CPNE2: variants seen among roughly 807,000 people sequenced by gnomAD.
The protein encoded by CPNE2 is copine 2.
Under a neutral mutation model 69.7 loss-of-function variants are expected in CPNE2, and 42 were observed. The observed-to-expected ratio is 0.60, with a 90% confidence interval of 0.47 to 0.78. The LOEUF (loss-of-function observed/expected upper bound fraction) is 0.78. Among genes scored for constraint, CPNE2 ranks in the 30% least tolerant of loss-of-function variants. The pLI is 0.00. For missense variants in CPNE2, 587 were observed against 732.0 expected (o/e 0.80, Z 2.29); for synonymous variants, 294 against 289.8 (o/e 1.01, Z -0.15).
At chr16:57,110,561 C>T (rs2069674240) in intron 1 of CPNE2, 147 bp from the exon 2 acceptor site, 1 of 478,460 alleles carries the variant, frequency 2.1e-6, no homozygotes. Context: ...TTTCTTCAAA[C>T]CTTTGCCTAT....
intron 1 of CPNE2, among the ~76,000 whole-genome samples, chr16:57,109,819 T>C (rs2069669366): frequency 6.6e-6 from 1 of 152,198 alleles, no homozygotes; most frequent in South Asian, 2.1e-4. Context: ...TATCTCATCC[T>C]GTGACCCAGA....
intron 1 of CPNE2, among the ~76,000 whole-genome samples, chr16:57,096,632 G>A (rs781189847): frequency 6.0e-5 from 9 of 151,016 alleles, no homozygotes; most frequent in Non-Finnish European, 8.8e-5. Flanking sequence ...CCAGGAGGTC[G>A]AGGCTGCAGT....
At chr16:57,118,475 T>C (rs988934928) in intron 5 of CPNE2, among the ~76,000 whole-genome samples, 5 of 151,988 alleles carry the variant, frequency 3.3e-5, no homozygotes, top group Non-Finnish European at 5.9e-5. Flanking sequence ...GCCTGGCCCA[T>C]ACCTTCTTTA....
intron 1 of CPNE2, among the ~76,000 whole-genome samples, chr16:57,095,339 G>A (rs1258988699): frequency 3.9e-5 from 6 of 152,350 alleles, no homozygotes; most frequent in Middle Eastern, 3.4e-3. Flanking sequence ...GGTTAGAGGC[G>A]CCTCCTGGCT....
At position 57,146,521 on chromosome 16, in the gene CPNE2, C is replaced by T; in HGVS notation, c.1539+200C>T. 1 of 578,360 alleles carries T rather than the reference C, an allele frequency of 1.7e-6. No homozygotes were observed. Among genetic ancestry groups the T allele is most frequent in the South Asian group, 2.1e-5 (1 of 48,716 alleles). 35.8% of individuals were successfully genotyped at this position (578,360 alleles called of 1,614,324 possible). A position where few individuals can be genotyped will look rare whatever the true frequency, so the allele number is the denominator to read the frequency against. ...GTGGTGGCCATTGTGATAGTGTGAG[C>T]ACTTGCTTCCACAAACTGATGGAAC... On this transcript the variant is annotated intron_variant, in intron 15 of 15. Transcript: ENST00000290776. The surrounding 1 kb of genome is among the most constrained non-coding windows in gnomAD (Gnocchi z 4.4).
intron 12 of CPNE2, among the ~76,000 whole-genome samples, chr16:57,131,101 G>A (rs544225244): frequency 1.3e-5 from 2 of 152,320 alleles, no homozygotes; most frequent in South Asian, 4.1e-4. Flanking sequence ...ACTGAGGCTT[G>A]GAGCCTCAAA....
chr16:57,146,974 G>A lies in CPNE2; in HGVS notation c.1540-577G>A, dbSNP rs1429770040. 6.5e-6 allele frequency: 1 copy of A among 152,982 alleles called. No individual in the cohort carries two copies. The highest frequency in any genetic ancestry group is 2.4e-5 in the African/African-American group (1 of 41,432). 9.5% of individuals were successfully genotyped at this position (152,982 alleles called of 1,614,324 possible). A position where few individuals can be genotyped will look rare whatever the true frequency, so the allele number is the denominator to read the frequency against. ...TGCCACCCCCATACTGCTGGCTGGG[G>A]GCTTAACCCAGCCTCAGCAAGAACT... On this transcript the variant is annotated intron_variant, in intron 15 of 15. Transcript: ENST00000290776. The surrounding 1 kb of genome is among the most constrained non-coding windows in gnomAD (Gnocchi z 4.4).
At chr16:57,137,358 TTC>T in intron 14 of CPNE2, 76 bp downstream of exon 14, 1 of 1,547,496 alleles carries the variant, frequency 6.5e-7, no homozygotes, top group Non-Finnish European at 8.8e-7. Flanking sequence ...ATATTCTGCC[TTC>T]TCTTTGCTTT....
At chr16:57,109,455 G>A (rs191808752) in intron 1 of CPNE2, among the ~76,000 whole-genome samples, 441 of 146,958 alleles carry the variant, frequency 3.0e-3, no homozygotes, top group Middle Eastern at 0.025. Flanking sequence ...CAGCCTGGGT[G>A]ACAGAGCCAG....
chr16:57,098,791 G>A (rs1003173790), intron 1 of CPNE2, among the ~76,000 whole-genome samples: 1 of 152,172 alleles, frequency 6.6e-6, no homozygotes, highest in Non-Finnish European at 1.5e-5. Context: ...GCAACGAAAT[G>A]GAAACAGGGT....
At position 57,147,650 on chromosome 16, in the gene CPNE2, C is replaced by T. The variant is rs1401999766; in HGVS notation, c.1639C>T (p.Pro547Ser). ...HKNLPPTNSE[P>S]A ...AAACCTGCCCCCCACCAACTCGGAG[C>T]CCGCCTGAGCTCCAGTGCCCAGCAG... The change falls in exon 16 of 16, where the codon CCC becomes TCC. Residue 547 changes from proline (P) to serine (S), a missense_variant. Transcript: ENST00000290776. 1.3e-6 allele frequency: 2 copies of T among 1,599,546 alleles called. No individual in the cohort carries two copies. Among genetic ancestry groups the T allele is most frequent in the Non-Finnish European group, 8.5e-7 (1 of 1,170,180 alleles).
chr16:57,145,679 G>A (rs1567329486), intron 14 of CPNE2: 2 of 229,070 alleles, frequency 8.7e-6, no homozygotes, highest in African/African-American at 2.3e-5. Flanking sequence ...CCACTGCCAC[G>A]TCAGGCACAT....
chr16:57,138,343 C>A lies in CPNE2; in HGVS notation c.1302+1061C>A, dbSNP rs115905997. On this transcript the variant is annotated intron_variant, in intron 14 of 15. Transcript: ENST00000290776. The stretch of plus-strand genomic sequence containing the variant: ...GCCACAGGTCTCTCAGTGGACCCTG[C>A]AGCTGCCTTCACCACTCCTCACACC... 8.3e-3 allele frequency among the ~76,000 whole-genome samples: 1,267 copies of A among 152,284 alleles called. 20 individuals are homozygous for A. The highest frequency in any genetic ancestry group is 0.029 in the African/African-American group (1,190 of 41,542).
At chr16:57,104,949 G>A (rs1252395355) in intron 1 of CPNE2, among the ~76,000 whole-genome samples, 2 of 152,226 alleles carry the variant, frequency 1.3e-5, no homozygotes, top group Non-Finnish European at 2.9e-5. Context: ...GCAGGAAGTG[G>A]GGACAGGTCA....
chr16:57,144,483 C>T (rs2069943270), intron 14 of CPNE2: 1 of 152,280 alleles, frequency 6.6e-6, no homozygotes, highest in Non-Finnish European at 1.5e-5. Flanking sequence ...GTTCCACCCT[C>T]CTTAGCTCCA....
At chr16:57,093,021 G>A (rs1173087486) in intron 1 of CPNE2, among the ~76,000 whole-genome samples, 1 of 152,274 alleles carries the variant, frequency 6.6e-6, no homozygotes, top group South Asian at 2.1e-4. Flanking sequence ...GCGGGGAAGG[G>A]CGGGCGGGGT....
At chr16:57,105,344 C>G (rs2069641327) in intron 1 of CPNE2, among the ~76,000 whole-genome samples, 1 of 152,120 alleles carries the variant, frequency 6.6e-6, no homozygotes, top group Non-Finnish European at 1.5e-5. Context: ...GGCTCAGCAC[C>G]AATGTCCAAG....
At chr16:57,124,364 G>C (rs1567669992) in intron 10 of CPNE2, 1 of 456,318 alleles carries the variant, frequency 2.2e-6, no homozygotes, top group Non-Finnish European at 4.4e-6. Flanking sequence ...TTACAGGCAT[G>C]AGTCACTGGG....
chr16:57,131,367 A>C (rs1231650842), intron 12 of CPNE2, among the ~76,000 whole-genome samples: 1 of 152,096 alleles, frequency 6.6e-6, no homozygotes, highest in Non-Finnish European at 1.5e-5. Context: ...AATTTCGGGG[A>C]GTGGCCCAAG....
Sources: gnomAD v4.1 joint callset for allele counts (sites outside exome capture counted in the v4.1 genomes callset) on GRCh38, gnomAD v4.1.1 for gene constraint, Gnocchi (gnomAD v3.1) non-coding constraint, MANE v1.5 for transcripts, NCBI Gene and HGNC (gene_info 2026-07-23, HGNC 2026-07-21) for gene names.